Variants in C5orf63 observed in about 807,000 individuals in gnomAD.
The protein encoded by C5orf63 is glutaredoxin-like protein C5orf63.
In C5orf63, 18 loss-of-function variants were observed where a neutral mutation model predicts 13.3. The observed-to-expected ratio is 1.36, with a 90% CI of 0.94 to 2.01. C5orf63 has a LOEUF of 2.01. Among genes scored for constraint, C5orf63 ranks in the 30% most tolerant of loss-of-function variants. C5orf63 has a pLI of 0.00. For missense variants in C5orf63, 118 were observed against 127.7 expected (o/e 0.92, Z 0.36); for synonymous variants, 38 against 44.7 (o/e 0.85, Z 0.60).
intron 2 of C5orf63, among the ~76,000 whole-genome samples, chr5:127,067,768 T>C (rs985326583): frequency 6.6e-6 from 1 of 152,172 alleles, no homozygotes; most frequent in East Asian, 1.9e-4. Flanking sequence ...CCTCAATTCA[T>C]GCACGTCAAA....
intron 3 of C5orf63, among the ~76,000 whole-genome samples, chr5:127,055,585 C>T (rs1580527164): frequency 6.6e-6 from 1 of 152,100 alleles, no homozygotes; most frequent in East Asian, 1.9e-4. Flanking sequence ...GTCTTTCTGG[C>T]CCTAATTTCC....
At chr5:127,060,730 T>G (rs1230921870) in intron 2 of C5orf63, among the ~76,000 whole-genome samples, 2 of 152,244 alleles carry the variant, frequency 1.3e-5, no homozygotes, top group Non-Finnish European at 1.5e-5. Flanking sequence ...GCTTTACTTC[T>G]GCATGAAAAG....
At chr5:127,050,517 T>C (rs1268179790), downstream of C5orf63, among the ~76,000 whole-genome samples, 5 of 152,202 alleles carry the variant, frequency 3.3e-5, no homozygotes, top group African/African-American at 1.2e-4. Context: ...GGATCCAAAA[T>C]GGTTGGGGAT....
intron 2 of C5orf63, among the ~76,000 whole-genome samples, chr5:127,069,622 C>G (rs1754459508): frequency 6.6e-6 from 1 of 152,156 alleles, no homozygotes; most frequent in Non-Finnish European, 1.5e-5. Context: ...TTGCTAAATC[C>G]AGCATTTCCC....
intron 3 of C5orf63, among the ~76,000 whole-genome samples, chr5:127,058,265 C>G (rs993066821): frequency 6.6e-6 from 1 of 152,106 alleles, no homozygotes; most frequent in Non-Finnish European, 1.5e-5. Context: ...ATGTTTAGCT[C>G]CCACTTATAA....
chr5:127,066,208 T>C (rs1754325255), intron 2 of C5orf63, among the ~76,000 whole-genome samples: 6 of 152,164 alleles, frequency 3.9e-5, no homozygotes, highest in Admixed American at 3.9e-4. Flanking sequence ...TAACCCACAG[T>C]AAGCAGGCAT....
chr5:127,043,269 A>G (rs930943477), downstream of C5orf63: 16 of 152,276 alleles, frequency 1.1e-4, no homozygotes, highest in East Asian at 1.2e-3. Context: ...TATCTTTCCA[A>G]CTCAAAGGCT....
At chr5:127,056,601 A>C (rs1753896347) in intron 3 of C5orf63, 1 of 152,208 alleles carries the variant, frequency 6.6e-6, no homozygotes, top group Non-Finnish European at 1.5e-5. Context: ...ATCTCCCACC[A>C]GGTGTCTCCC....
In C5orf63 at chr5:127,058,866, C is replaced by A. The variant is rs1183603101; in HGVS notation, c.114+16G>T. 2 of 1,488,484 alleles carry A rather than the reference C, an allele frequency of 1.3e-6. No homozygotes were observed. The highest frequency in any genetic ancestry group is 1.8e-6 in the Non-Finnish European group (2 of 1,105,716). The allele number at this position is 1,488,484 out of a possible 1,614,324, so 92.2% of individuals were successfully genotyped here. ...CAACTTTCTTCACCCAACAATTTTA[C>A]TTTTTCACTTTGTACCTTTGTGAAT... is the stretch of plus-strand genomic sequence containing the variant. On this transcript the variant is annotated intron_variant, in intron 3 of 4. Transcript: ENST00000296662.
chr5:127,072,055 C>T (rs958708349), intron 1 of C5orf63: 1 of 152,062 alleles, frequency 6.6e-6, no homozygotes, highest in South Asian at 2.1e-4. Flanking sequence ...ATGAAGGAGA[C>T]AAAAAAATAT....
intron 1 of C5orf63, chr5:127,071,928 T>C (rs954620647): frequency 3.3e-5 from 5 of 152,226 alleles, no homozygotes; most frequent in Non-Finnish European, 7.3e-5. Flanking sequence ...GAGCCAGGCA[T>C]CTGGAACAAA....
At chr5:127,051,000 G>A (rs1038279517), downstream of C5orf63, among the ~76,000 whole-genome samples, 13 of 152,074 alleles carry the variant, frequency 8.5e-5, no homozygotes, top group African/African-American at 3.1e-4. Flanking sequence ...ATTTAGGAGT[G>A]ACTTTTTCCA....
chr5:127,068,052 A>T (rs1409419652), intron 2 of C5orf63, among the ~76,000 whole-genome samples: 2 of 152,166 alleles, frequency 1.3e-5, no homozygotes, highest in African/African-American at 4.8e-5. Flanking sequence ...TCATAAACAT[A>T]AAACCCAAAG....
chr5:127,057,953 T>TTAGGCA (rs1472679482), intron 3 of C5orf63, among the ~76,000 whole-genome samples: 1 of 152,202 alleles, frequency 6.6e-6, no homozygotes, highest in Non-Finnish European at 1.5e-5. Context: ...TAAGCTTCAT[T>TTAGGCA]TAGGCATGAG....
chr5:127,052,305 A>T (rs57285842), intron 4 of C5orf63: 1 of 331,874 alleles, frequency 3.0e-6, no homozygotes, highest in Admixed American at 4.5e-5. Flanking sequence ...AAAACACATC[A>T]GTGCAAACTG....
chr5:127,050,519 G>A (rs1210096691), downstream of C5orf63, among the ~76,000 whole-genome samples: 1 of 152,094 alleles, frequency 6.6e-6, no homozygotes, highest in Non-Finnish European at 1.5e-5. Context: ...ATCCAAAATG[G>A]TTGGGGATGC....
At chr5:127,048,922 G>C (rs575198010), downstream of C5orf63, among the ~76,000 whole-genome samples, 11 of 152,254 alleles carry the variant, frequency 7.2e-5, no homozygotes, top group African/African-American at 2.4e-4. Flanking sequence ...TCTAGGAGAA[G>C]AATCAGCAAC....
At chr5:127,068,679 T>C (rs1754416872) in intron 2 of C5orf63, among the ~76,000 whole-genome samples, 1 of 151,536 alleles carries the variant, frequency 6.6e-6, no homozygotes, top group Non-Finnish European at 1.5e-5. Context: ...GGGAGAGGAG[T>C]CTTCAGTATA....
intron 1 of C5orf63, among the ~76,000 whole-genome samples, chr5:127,072,630 T>C (rs1754592021): frequency 1.3e-5 from 2 of 151,870 alleles, no homozygotes; most frequent in Admixed American, 6.6e-5. Flanking sequence ...GCTAAGGCCA[T>C]ACTATGGATT....
Sources: gnomAD v4.1 joint callset for allele counts (sites outside exome capture counted in the v4.1 genomes callset) on GRCh38, gnomAD v4.1.1 for gene constraint, MANE v1.5 for transcripts, NCBI Gene and HGNC (gene_info 2026-07-23, HGNC 2026-07-21) for gene names.